The following PPP2R2B variants were observed in gnomAD, a reference collection of about 807,000 sequenced individuals.
The protein encoded by PPP2R2B is protein phosphatase 2 regulatory subunit Bbeta.
A neutral mutation model predicts 46.0 loss-of-function variants in PPP2R2B; 5 were observed. That is an observed-to-expected ratio of 0.11 (90% CI 0.06 to 0.23). PPP2R2B has a LOEUF of 0.23. Among genes scored for constraint, PPP2R2B ranks in the 10% least tolerant of loss-of-function variants. PPP2R2B has a pLI of 1.00. For missense variants in PPP2R2B, 367 were observed against 575.0 expected, an observed-to-expected ratio of 0.64 and a Z score of 3.70; for synonymous variants, 215 against 206.7, an observed-to-expected ratio of 1.04 and a Z score of -0.34.
chr5:146,827,968 A>G (rs1758680071), intron 2 of PPP2R2B, among the ~76,000 whole-genome samples: 1 of 151,894 alleles, frequency 6.6e-6, no homozygotes, highest in African/African-American at 2.4e-5. Context: ...GCTCAGGGGA[A>G]AAAGAATTGG....
chr5:146,900,055 C>T (rs1030998093), intron 1 of PPP2R2B, among the ~76,000 whole-genome samples: 4 of 152,168 alleles, frequency 2.6e-5, no homozygotes, highest in Admixed American at 2.6e-4. Flanking sequence ...AACAAGATTT[C>T]TATACTCAAC....
intron 1 of PPP2R2B, among the ~76,000 whole-genome samples, chr5:147,023,859 C>T (rs1251548651): frequency 6.6e-6 from 1 of 152,004 alleles, no homozygotes; most frequent in African/African-American, 2.4e-5. Context: ...AGAGGAAGGA[C>T]AAATTTGCTC....
chr5:146,919,567 C>G (rs1186374116), intron 1 of PPP2R2B: 1 of 152,192 alleles, frequency 6.6e-6, no homozygotes, highest in Non-Finnish European at 1.5e-5. Flanking sequence ...CAACAGACCA[C>G]CCAGCTGAGA....
intron 2 of PPP2R2B, among the ~76,000 whole-genome samples, chr5:146,791,136 T>C (rs1450973786): frequency 1.3e-5 from 2 of 152,164 alleles, no homozygotes; most frequent in African/African-American, 4.8e-5. Flanking sequence ...TGGAAGGACA[T>C]ATATATAACA....
intron 2 of PPP2R2B, among the ~76,000 whole-genome samples, chr5:146,850,905 T>A (rs761798698): frequency 1.3e-5 from 2 of 152,136 alleles, no homozygotes; most frequent in Non-Finnish European, 2.9e-5. Flanking sequence ...AATCTATCCA[T>A]ACTGCTGTAA....
At chr5:146,680,401 G>C (rs1335064172) in intron 5 of PPP2R2B, among the ~76,000 whole-genome samples, 33 of 138,750 alleles carry the variant, frequency 2.4e-4, no homozygotes, top group African/African-American at 8.8e-4. Context: ...GTTGTGGGGT[G>C]GGGTGGGGAG....
intron 1 of PPP2R2B, among the ~76,000 whole-genome samples, chr5:146,945,581 G>A (rs543112772): frequency 1.6e-4 from 25 of 152,150 alleles, no homozygotes; most frequent in Admixed American, 2.0e-4. Flanking sequence ...TGCTGCTATA[G>A]CAGCTGCTGA....
intron 2 of PPP2R2B, among the ~76,000 whole-genome samples, chr5:146,820,223 A>G (rs1245705538): frequency 6.6e-6 from 1 of 152,212 alleles, no homozygotes; most frequent in African/African-American, 2.4e-5. Flanking sequence ...CCACAAAGAA[A>G]TGATACATGT....
At chr5:146,824,557 C>A (rs1283797139) in intron 2 of PPP2R2B, among the ~76,000 whole-genome samples, 1 of 152,044 alleles carries the variant, frequency 6.6e-6, no homozygotes, top group African/African-American at 2.4e-5. Context: ...TGGGGGAAAG[C>A]ATTGGGTAAG....
chr5:146,729,325 T>C (rs1220497517), intron 2 of PPP2R2B, among the ~76,000 whole-genome samples: 1 of 152,154 alleles, frequency 6.6e-6, no homozygotes, highest in Non-Finnish European at 1.5e-5. Context: ...ATTCAAGAGG[T>C]GATGTCAGTA....
intron 2 of PPP2R2B, chr5:147,080,914 G>T: frequency 1.4e-6 from 1 of 710,598 alleles, no homozygotes; most frequent in African/African-American, 1.8e-5. Context: ...AGAGAAAGAA[G>T]TTATTAAATC....
At chr5:147,014,553 G>A (rs1010376185) in intron 1 of PPP2R2B, among the ~76,000 whole-genome samples, 4 of 152,096 alleles carry the variant, frequency 2.6e-5, no homozygotes, top group African/African-American at 9.7e-5. Context: ...ATACTATGCA[G>A]CCATAAAAAA....
At chr5:146,840,043 T>C (rs2151367575) in intron 2 of PPP2R2B, among the ~76,000 whole-genome samples, 1 of 152,358 alleles carries the variant, frequency 6.6e-6, no homozygotes, top group African/African-American at 2.4e-5. Context: ...AACTTGAGAC[T>C]TGTGTAGCTG....
At chr5:146,881,844 C>T (rs1046532146), upstream of PPP2R2B, among the ~76,000 whole-genome samples, 1 of 152,158 alleles carries the variant, frequency 6.6e-6, no homozygotes, top group African/African-American at 2.4e-5. Flanking sequence ...CATACCTCCC[C>T]CCTTCTTAAA....
intron 1 of PPP2R2B, among the ~76,000 whole-genome samples, chr5:146,941,106 T>C (rs999430380): frequency 6.6e-6 from 1 of 152,092 alleles, no homozygotes; most frequent in Non-Finnish European, 1.5e-5. Context: ...AAAGGCCATT[T>C]TAGAAAGAAA....
At chr5:146,995,870 T>C (rs1753900710) in intron 1 of PPP2R2B, among the ~76,000 whole-genome samples, 1 of 152,206 alleles carries the variant, frequency 6.6e-6, no homozygotes, top group African/African-American at 2.4e-5. Context: ...AATTTATTAC[T>C]GTTGGGTGTG....
At chr5:147,020,220 C>T (rs191299412) in intron 1 of PPP2R2B, among the ~76,000 whole-genome samples, 191 of 152,076 alleles carry the variant, frequency 1.3e-3, no homozygotes, top group Non-Finnish European at 2.3e-3. Flanking sequence ...GGTATTTGAT[C>T]CTGGAGAATC....
At chr5:146,904,552 A>G (rs1762938108) in intron 1 of PPP2R2B, among the ~76,000 whole-genome samples, 1 of 152,196 alleles carries the variant, frequency 6.6e-6, no homozygotes, top group Non-Finnish European at 1.5e-5. Context: ...TAGCCCAGAG[A>G]GGTTGTAAGC....
intron 7 of PPP2R2B, among the ~76,000 whole-genome samples, chr5:146,637,951 C>G (rs945820287): frequency 2.0e-5 from 3 of 152,202 alleles, no homozygotes; most frequent in Middle Eastern, 3.2e-3. Flanking sequence ...TCCTCAAAGT[C>G]ATTCTCCCCA....
Sources: allele counts gnomAD v4.1 joint callset (sites outside exome capture counted in the v4.1 genomes callset), GRCh38; gene constraint gnomAD v4.1.1; transcripts MANE v1.5; gene names NCBI Gene and HGNC (gene_info 2026-07-23, HGNC 2026-07-21).